The following ZFP30 variants were observed in gnomAD, a reference collection of about 807,000 sequenced individuals.
ZFP30 encodes the protein ZFP30 zinc finger protein.
In ZFP30, 16 loss-of-function variants were observed where a neutral mutation model predicts 12.3. The ratio of observed to expected loss-of-function variants is 1.30; its 90% confidence interval spans 0.88 to 1.98. The LOEUF is 1.98. Ranked by LOEUF, ZFP30 falls within the 30% of genes most tolerant of loss-of-function variation. ZFP30 has a pLI of 0.00. For missense variants in ZFP30, 560 were observed against 611.2 expected, an observed-to-expected ratio of 0.92 and a Z score of 0.88; for synonymous variants, 172 against 201.0, an observed-to-expected ratio of 0.86 and a Z score of 1.22.
Position 37,635,231 on chromosome 19 carries a change from G to T in ZFP30, c.1310C>A (p.Pro437His). ...QHQSIHFGEK[P>H]FKCKECEKTF... ...CTTCTCACATTCCTTACACTTAAAG[G>T]GTTTCTCACCAAAATGAATACTCTG... Residue 437 changes from proline to histidine, a missense_variant, in exon 6 of 6, where the codon CCC becomes CAC. Pro to His is a moderately conservative substitution (Grantham distance 77, BLOSUM62 -2). Transcript: ENST00000684514. 2 of 1,613,930 alleles carry T rather than the reference G, an allele frequency of 1.2e-6. No homozygotes were observed. Among genetic ancestry groups the T allele is most frequent in the Non-Finnish European group, 1.7e-6 (2 of 1,179,940 alleles).
intron 2 of ZFP30, among the ~76,000 whole-genome samples, chr19:37,653,112 C>T (rs2051623994): frequency 1.4e-5 from 2 of 147,890 alleles, no homozygotes; most frequent in Admixed American, 6.7e-5. Context: ...ATCGAAAACT[C>T]CGTCTCAAAA....
At chr19:37,637,490 A>G (rs1241426162) in intron 5 of ZFP30, among the ~76,000 whole-genome samples, 2 of 150,032 alleles carry the variant, frequency 1.3e-5, no homozygotes, top group African/African-American at 2.5e-5. Context: ...CGCCCAGCCT[A>G]CTTCTTTCCT....
intron 5 of ZFP30, among the ~76,000 whole-genome samples, chr19:37,637,499 C>CT (rs925822941): frequency 3.3e-4 from 49 of 149,928 alleles, no homozygotes; most frequent in Admixed American, 8.0e-4. Context: ...TACTTCTTTC[C>CT]TTTTTTTTTG....
rs59250127 is a variant in ZFP30, at chr19:37,631,680, T to TAAAAAAA, written c.*3294_*3300dup. On this transcript the variant is annotated 3_prime_UTR_variant, in exon 6 of 6. Coordinates refer to ENST00000684514, the MANE Select transcript of ZFP30 (RefSeq NM_001320669.3). ...ATTCCATTCTTAATACATAGAAAGC[T>TAAAAAAA]AAAAAAAAAAAAAAAAAAAAGACAA... 1.3e-4 allele frequency: 15 copies of TAAAAAAA among 111,334 alleles called. No homozygotes were observed. The highest frequency in any genetic ancestry group is 4.7e-4 in the East Asian group (2 of 4,230). 6.9% of individuals were successfully genotyped at this position (111,334 alleles called of 1,614,324 possible).
intron 2 of ZFP30, among the ~76,000 whole-genome samples, chr19:37,650,979 C>T (rs73035158): frequency 1.3e-5 from 2 of 151,824 alleles, no homozygotes; most frequent in East Asian, 1.9e-4. Context: ...CTCATGTGAT[C>T]GATCCACCAG....
rs186169998 is a variant in ZFP30, at chr19:37,648,035, T to C, written c.-77-136A>G. On this transcript the variant is annotated intron_variant, in intron 2 of 5. Coordinates refer to ENST00000684514, the MANE Select transcript of ZFP30 (RefSeq NM_001320669.3). Reference sequence around the variant, plus strand: ...CAGACAAGTTTTGATAGGTAAGAGGTAGTTTAGACAAAGATGTCCTCCCCA... The same window carrying C: ...CAGACAAGTTTTGATAGGTAAGAGGCAGTTTAGACAAAGATGTCCTCCCCA... The C allele has an allele frequency of 1.7e-4, 97 of 581,392 alleles. 1 individual carries two copies. In the East Asian group the frequency reaches 2.6e-3, roughly 15 times the overall value. 36.0% of individuals were successfully genotyped at this position (581,392 alleles called of 1,614,324 possible). A position where few individuals can be genotyped will look rare whatever the true frequency, so the allele number is the denominator to read the frequency against.
intron 5 of ZFP30, among the ~76,000 whole-genome samples, chr19:37,637,574 T>G (rs545613611): frequency 6.6e-6 from 1 of 152,184 alleles, no homozygotes; most frequent in East Asian, 1.9e-4. Context: ...CACTGCAATC[T>G]CTACCCCAGG....
chr19:37,647,784 A>G (rs2044571812), intron 3 of ZFP30, 30 bp downstream of exon 3: 3 of 1,613,766 alleles, frequency 1.9e-6, no homozygotes, highest in Non-Finnish European at 2.5e-6. Context: ...AAATGACAGA[A>G]TTCCAAAGTA....
At position 37,633,119 on chromosome 19, in the gene ZFP30, C is replaced by T. The variant is rs146259408; in HGVS notation, c.*1862G>A. Reference sequence around the variant, plus strand: ...CCGGGAGGCAGAGCTTGCAGTGAGCCGAGACTGTGCCACTGCACGCCAGCC... The same window carrying T: ...CCGGGAGGCAGAGCTTGCAGTGAGCTGAGACTGTGCCACTGCACGCCAGCC... On this transcript the variant is annotated 3_prime_UTR_variant, in exon 6 of 6. Coordinates refer to ENST00000684514, the MANE Select transcript of ZFP30 (RefSeq NM_001320669.3). 6.8e-6 allele frequency: 1 copy of T among 146,054 alleles called. No individual in the cohort carries two copies. Among genetic ancestry groups the T allele is most frequent in the African/African-American group, 2.5e-5 (1 of 39,708 alleles). The allele number at this position is 146,054 out of a possible 1,614,324, so 9.0% of individuals were successfully genotyped here. A position where few individuals can be genotyped will look rare whatever the true frequency, so the allele number is the denominator to read the frequency against.
chr19:37,643,052 CAAAAAAAAA>C (rs951396776), intron 5 of ZFP30, among the ~76,000 whole-genome samples: 8 of 61,440 alleles, frequency 1.3e-4, no homozygotes, highest in Non-Finnish European at 2.5e-4. Context: ...GACTCCGTCT[CAAAAAAAAA>C]AAAAAAAAAA....
intron 2 of ZFP30, among the ~76,000 whole-genome samples, chr19:37,650,676 C>G (rs77668505): frequency 0.024 from 3,590 of 152,136 alleles, 71 homozygotes; most frequent in Non-Finnish European, 0.039. Context: ...TTTACCTACT[C>G]AACTCCCACC....
Position 37,633,781 on chromosome 19 carries a change from T to C in ZFP30, c.*1200A>G, listed in dbSNP as rs1374131883. On this transcript the variant is annotated 3_prime_UTR_variant, in exon 6 of 6. Transcript: ENST00000684514. ...GCAAAAACAAAACAAATAAAAACCATGTATCCAAGACTTAGGTTACCATCA... is the reference window on the plus strand; with the variant it reads ...GCAAAAACAAAACAAATAAAAACCACGTATCCAAGACTTAGGTTACCATCA... The C allele has an allele frequency of 6.6e-6, 1 of 152,186 alleles. No individual in the cohort carries two copies. Among genetic ancestry groups the C allele is most frequent in the Non-Finnish European group, 1.5e-5 (1 of 68,030 alleles). The allele number at this position is 152,186 out of a possible 1,614,324, so 9.4% of individuals were successfully genotyped here. A position where few individuals can be genotyped will look rare whatever the true frequency, so the allele number is the denominator to read the frequency against.
At chr19:37,654,031 T>C (rs943433096) in intron 2 of ZFP30, among the ~76,000 whole-genome samples, 1 of 152,242 alleles carries the variant, frequency 6.6e-6, no homozygotes, top group African/African-American at 2.4e-5. Flanking sequence ...GTAGCTAGTA[T>C]GAATTAAGGA....
chr19:37,647,780 C>A, intron 3 of ZFP30, 34 bp downstream of exon 3: 1 of 1,613,484 alleles, frequency 6.2e-7, no homozygotes, highest in Non-Finnish European at 8.5e-7. Flanking sequence ...AAAAAAATGA[C>A]AGAATTCCAA....
At chr19:37,649,988 A>G (rs976030181) in intron 2 of ZFP30, among the ~76,000 whole-genome samples, 4 of 152,138 alleles carry the variant, frequency 2.6e-5, no homozygotes, top group Non-Finnish European at 4.4e-5. Flanking sequence ...CGGCAGGTAA[A>G]CTACATACAC....
Position 37,636,281 on chromosome 19 carries a change from T to A in ZFP30, c.260A>T (p.Lys87Ile). ...AATATCCTTTCCTTGAAATAACTTT[T>A]TAGTGTCATATCTGGATTCCAAATC... ...TLDLESRYDT[K>I]KLFQGKDIYE... Residue 87 changes from lysine to isoleucine, a missense_variant, in exon 6 of 6, where the codon AAA (lysine) becomes ATA (isoleucine). Coordinates refer to ENST00000684514, the MANE Select transcript of ZFP30 (RefSeq NM_001320669.3). The A allele has an allele frequency of 2.5e-6, 4 of 1,600,150 alleles. No individual in the cohort carries two copies. The highest frequency in any genetic ancestry group is 3.4e-6 in the Non-Finnish European group (4 of 1,174,308).
chr19:37,641,905 G>C (rs905942048), intron 5 of ZFP30, among the ~76,000 whole-genome samples: 1 of 152,120 alleles, frequency 6.6e-6, no homozygotes, highest in Non-Finnish European at 1.5e-5. Context: ...CCCATATTCT[G>C]AATTTGGCTC....
intron 4 of ZFP30, chr19:37,644,403 GT>G: frequency 2.7e-6 from 1 of 367,158 alleles, no homozygotes; most frequent in Non-Finnish European, 4.9e-6. Context: ...GTGTGGTGGT[GT>G]GCGCCTGTAG....
intron 2 of ZFP30, among the ~76,000 whole-genome samples, chr19:37,649,818 C>T (rs922717007): frequency 4.3e-5 from 6 of 141,150 alleles, no homozygotes; most frequent in African/African-American, 1.1e-4. Context: ...AGTGATACCC[C>T]GTCTTAAAAA....
Sources: gnomAD v4.1 joint callset for allele counts (sites outside exome capture counted in the v4.1 genomes callset) on GRCh38, gnomAD v4.1.1 for gene constraint, MANE v1.5 for transcripts, NCBI Gene and HGNC (gene_info 2026-07-23, HGNC 2026-07-21) for gene names.